The following SPATA17 variants were observed in gnomAD, a reference collection of about 807,000 sequenced individuals.
The protein encoded by SPATA17 is spermatogenesis associated 17.
A neutral mutation model predicts 62.2 loss-of-function variants in SPATA17; 53 were observed. The ratio of observed to expected loss-of-function variants is 0.85; its 90% CI spans 0.68 to 1.07. The LOEUF is 1.07. Among genes scored for constraint, SPATA17 ranks in the 50% least tolerant of loss-of-function variants. The pLI is 0.00. For missense variants in SPATA17, 466 were observed against 425.5 expected, an observed-to-expected ratio of 1.10 and a Z score of -0.84; for synonymous variants, 146 against 146.8, an observed-to-expected ratio of 0.99 and a Z score of 0.04.
chr1:217,865,849 T>C (rs1257823329), intron 10 of SPATA17, among the ~76,000 whole-genome samples: 3 of 152,226 alleles, frequency 2.0e-5, no homozygotes, highest in Admixed American at 6.6e-5. Context: ...AGGCTGTCTG[T>C]CTGCTAAAAA....
chr1:217,830,531 C>T (rs780304516), intron 9 of SPATA17, among the ~76,000 whole-genome samples: 1 of 152,138 alleles, frequency 6.6e-6, no homozygotes, highest in Admixed American at 6.5e-5. Context: ...AAATTATTCT[C>T]ATAGATTCAT....
chr1:217,808,369 ACACACACACACACCCC>A lies in SPATA17; in HGVS notation c.1005+6521_1005+6536del, dbSNP rs1185580433. ...AATACACACACACACACACACACACACACACACACACACCCCCCTCAGAATTTATACAGAATGAAGT... is the reference window on the plus strand; with the variant it reads ...AATACACACACACACACACACACACACCTCAGAATTTATACAGAATGAAGT... On this transcript the variant is annotated intron_variant, in intron 9 of 10. Coordinates refer to ENST00000366933, the MANE Select transcript of SPATA17 (RefSeq NM_138796.4). Among the ~76,000 whole-genome samples, 607 of 96,222 alleles carry A rather than the reference ACACACACACACACCCC, an allele frequency of 6.3e-3. 4 individuals carry two copies. The highest frequency in any genetic ancestry group is 0.017 in the African/African-American group (570 of 32,598). 63.1% of individuals were successfully genotyped at this position (96,222 alleles called of 152,430 possible).
chr1:217,691,146 C>T (rs986706858), intron 5 of SPATA17, among the ~76,000 whole-genome samples: 4 of 148,482 alleles, frequency 2.7e-5, no homozygotes, highest in African/African-American at 1.0e-4. Context: ...TCCTCTCCAG[C>T]ACCTGTTGTT....
chr1:217,668,108 A>G (rs1260545173), intron 3 of SPATA17, among the ~76,000 whole-genome samples: 1 of 151,586 alleles, frequency 6.6e-6, no homozygotes, highest in Non-Finnish European at 1.5e-5. Flanking sequence ...CCTGAAACAT[A>G]ACAATTATTA....
At chr1:217,848,523 G>C (rs931600441) in intron 9 of SPATA17, among the ~76,000 whole-genome samples, 3 of 151,876 alleles carry the variant, frequency 2.0e-5, no homozygotes, top group Non-Finnish European at 4.4e-5. Context: ...TATATTCCCT[G>C]GAGTTATTAC....
At chr1:217,663,054 TG>T (rs1236717071) in intron 3 of SPATA17, among the ~76,000 whole-genome samples, 1 of 152,248 alleles carries the variant, frequency 6.6e-6, no homozygotes, top group Admixed American at 6.5e-5. Context: ...AGTTTAGATT[TG>T]GTTCACCTAA....
At chr1:217,672,916 C>CTATCTTCATCTTTG (rs1670863845) in intron 4 of SPATA17, among the ~76,000 whole-genome samples, 1 of 152,104 alleles carries the variant, frequency 6.6e-6, no homozygotes, top group Non-Finnish European at 1.5e-5. Context: ...GGCCCAGATC[C>CTATCTTCATCTTTG]TATCTTCATC....
At chr1:217,682,023 T>A (rs1671095774) in intron 4 of SPATA17, among the ~76,000 whole-genome samples, 1 of 152,102 alleles carries the variant, frequency 6.6e-6, no homozygotes, top group East Asian at 1.9e-4. Context: ...AAGGGAATGA[T>A]TTATGATACG....
intron 9 of SPATA17, among the ~76,000 whole-genome samples, chr1:217,823,516 A>G (rs1275070229): frequency 6.6e-6 from 1 of 151,980 alleles, no homozygotes; most frequent in Non-Finnish European, 1.5e-5. Flanking sequence ...CTCTGTGGAC[A>G]AGGAAATGCC....
chr1:217,748,023 GC>G (rs1320954284), intron 6 of SPATA17, among the ~76,000 whole-genome samples: 1 of 152,064 alleles, frequency 6.6e-6, no homozygotes, highest in Non-Finnish European at 1.5e-5. Context: ...ATTAAACTTG[GC>G]CGGGCGCGGT....
chr1:217,763,890 A>C (rs967731896), intron 6 of SPATA17, among the ~76,000 whole-genome samples: 1 of 152,162 alleles, frequency 6.6e-6, no homozygotes, highest in Non-Finnish European at 1.5e-5. Flanking sequence ...TGGTGGTGCC[A>C]TTTACTTTTT....
intron 5 of SPATA17, among the ~76,000 whole-genome samples, chr1:217,703,970 G>C (rs907822118): frequency 6.6e-6 from 1 of 151,798 alleles, no homozygotes; most frequent in Admixed American, 6.6e-5. Flanking sequence ...TTTTTTGGGG[G>C]TGGGGCTCTT....
At chr1:217,747,193 T>C (rs1007762884) in intron 6 of SPATA17, among the ~76,000 whole-genome samples, 3 of 152,132 alleles carry the variant, frequency 2.0e-5, no homozygotes, top group Admixed American at 6.5e-5. Context: ...TAAAGATTGA[T>C]TATTTAATAA....
intron 3 of SPATA17, among the ~76,000 whole-genome samples, chr1:217,658,494 C>T (rs186382343): frequency 8.5e-5 from 13 of 152,118 alleles, no homozygotes; most frequent in African/African-American, 3.1e-4. Flanking sequence ...TGTGGAGGCT[C>T]ACACCTGTAA....
chr1:217,774,604 T>TA, intron 7 of SPATA17, 67 bp downstream of exon 7: 1 of 1,295,870 alleles, frequency 7.7e-7, no homozygotes, highest in South Asian at 1.3e-5. Context: ...ACTTTTTATA[T>TA]AACACTATCT....
chr1:217,721,934 G>C (rs1374704977), intron 5 of SPATA17, among the ~76,000 whole-genome samples: 1 of 152,150 alleles, frequency 6.6e-6, no homozygotes, highest in Non-Finnish European at 1.5e-5. Flanking sequence ...GCCTGGAGTT[G>C]ACAGGTCCAG....
At chr1:217,727,218 G>T (rs1471353860) in intron 5 of SPATA17, among the ~76,000 whole-genome samples, 1 of 150,754 alleles carries the variant, frequency 6.6e-6, no homozygotes, top group Non-Finnish European at 1.5e-5. Context: ...TTGCACTCCA[G>T]CCTGGGCAAC....
chr1:217,840,595 T>C (rs371070513), intron 9 of SPATA17, among the ~76,000 whole-genome samples: 17 of 152,158 alleles, frequency 1.1e-4, no homozygotes, highest in Admixed American at 3.9e-4. Flanking sequence ...GCCTGGCTCA[T>C]GCCTGTAATC....
At chr1:217,821,989 A>G (rs540764247) in intron 9 of SPATA17, among the ~76,000 whole-genome samples, 1 of 152,270 alleles carries the variant, frequency 6.6e-6, no homozygotes, top group African/African-American at 2.4e-5. Context: ...AGGAGGCTAC[A>G]GCAATCTAAA....
Sources: gnomAD v4.1 joint callset for allele counts (sites outside exome capture counted in the v4.1 genomes callset) on GRCh38, gnomAD v4.1.1 for gene constraint, MANE v1.5 for transcripts, NCBI Gene and HGNC (gene_info 2026-07-23, HGNC 2026-07-21) for gene names.